The following PEX5L variants were observed in gnomAD, a reference collection of about 807,000 sequenced individuals.
PEX5L encodes peroxisomal biogenesis factor 5 like.
A neutral mutation model predicts 84.0 loss-of-function variants in PEX5L; 30 were observed. The observed-to-expected ratio is 0.36, with a 90% CI of 0.27 to 0.48. The LOEUF (loss-of-function observed/expected upper bound fraction) is 0.48. Among genes scored for constraint, PEX5L ranks in the 20% least tolerant of loss-of-function variants. The probability of loss-of-function intolerance (pLI) is 0.99; values close to 1 mark genes in which losing one functional copy is unlikely to be tolerated. For synonymous variants in PEX5L, 270 were observed against 283.1 expected (o/e 0.95, Z 0.46); for missense variants, 533 against 754.6 (o/e 0.71, Z 3.44).
At chr3:179,873,713 T>C (rs1751158494) in intron 7 of PEX5L, among the ~76,000 whole-genome samples, 1 of 152,208 alleles carries the variant, frequency 6.6e-6, no homozygotes, top group Admixed American at 6.5e-5. Flanking sequence ...TCACTGAGAC[T>C]AAAGAGTATC....
chr3:179,859,611 T>C (rs927393696), intron 7 of PEX5L, among the ~76,000 whole-genome samples: 3 of 152,200 alleles, frequency 2.0e-5, no homozygotes, highest in Admixed American at 6.5e-5. Context: ...GAAATGAAAG[T>C]GTGGCTTCCA....
intron 1 of PEX5L, among the ~76,000 whole-genome samples, chr3:180,005,972 C>G (rs1265828412): frequency 6.6e-6 from 1 of 152,180 alleles, no homozygotes; most frequent in Non-Finnish European, 1.5e-5. Context: ...AATATCTAGG[C>G]ATTAGAACAT....
chr3:179,998,824 A>ACCCTG (rs1788126262), intron 1 of PEX5L, among the ~76,000 whole-genome samples: 1 of 152,040 alleles, frequency 6.6e-6, no homozygotes, highest in African/African-American at 2.4e-5. Flanking sequence ...CACTCCTTCC[A>ACCCTG]CCCTGCCTTC....
chr3:179,955,781 T>C (rs1243141572), intron 2 of PEX5L, among the ~76,000 whole-genome samples: 1 of 152,158 alleles, frequency 6.6e-6, no homozygotes, highest in East Asian at 1.9e-4. Flanking sequence ...TTTTTCTTAT[T>C]ACGATTAGAA....
chr3:179,807,700 T>A lies in PEX5L; in HGVS notation c.1650A>T (p.Ile550=). Residue 550 remains isoleucine, a synonymous_variant, in exon 14 of 15, where the codon ATA becomes ATT. Coordinates refer to ENST00000467460, the MANE Select transcript of PEX5L (RefSeq NM_016559.3). ...GFIRSRYNLG[I]SCINLGAYRE... is the part of the protein sequence containing the mutation. Reference sequence around the variant, plus strand: ...TGTAGGCGCCCAGGTTGATGCAGCTTATTCCTAGGTTGTATCTGGACCGGA... The same window carrying A: ...TGTAGGCGCCCAGGTTGATGCAGCTAATTCCTAGGTTGTATCTGGACCGGA... The A allele has an allele frequency of 1.2e-6, 2 of 1,614,176 alleles. No individual in the cohort carries two copies. Among genetic ancestry groups the A allele is most frequent in the Non-Finnish European group, 1.7e-6 (2 of 1,180,006 alleles).
intron 1 of PEX5L, among the ~76,000 whole-genome samples, chr3:179,990,918 T>G (rs1787322128): frequency 6.6e-6 from 1 of 152,236 alleles, no homozygotes; most frequent in South Asian, 2.1e-4. Flanking sequence ...CTAGTCTGCT[T>G]TGAAGCTATG....
intron 3 of PEX5L, among the ~76,000 whole-genome samples, chr3:179,893,110 T>G (rs1031504615): frequency 1.3e-4 from 20 of 152,180 alleles, no homozygotes; most frequent in African/African-American, 4.8e-4. Context: ...TTACACCTTC[T>G]TTGTAATCAA....
At chr3:180,007,829 C>A (rs1045365822) in intron 1 of PEX5L, among the ~76,000 whole-genome samples, 5 of 152,192 alleles carry the variant, frequency 3.3e-5, no homozygotes, top group Non-Finnish European at 7.3e-5. Flanking sequence ...GCACCAAGTC[C>A]CTAGGCTTCA....
At chr3:179,904,816 G>C (rs1038627474) in intron 2 of PEX5L, among the ~76,000 whole-genome samples, 8 of 151,956 alleles carry the variant, frequency 5.3e-5, no homozygotes, top group African/African-American at 1.9e-4. Flanking sequence ...CTTCTGAGTT[G>C]GGGTCGTCTC....
chr3:179,972,814 G>A (rs1252976010), intron 1 of PEX5L, among the ~76,000 whole-genome samples: 2 of 150,694 alleles, frequency 1.3e-5, no homozygotes, highest in African/African-American at 2.5e-5. Flanking sequence ...CAATTTTTGT[G>A]GGTTTTTTTT....
At chr3:179,845,998 C>T (rs1267597551) in intron 8 of PEX5L, among the ~76,000 whole-genome samples, 1 of 152,026 alleles carries the variant, frequency 6.6e-6, no homozygotes, top group Non-Finnish European at 1.5e-5. Context: ...GGTAAAATGC[C>T]GTTTCTACTA....
Position 179,905,421 on chromosome 3 carries a change from C to T in PEX5L, c.94-7175G>A, listed in dbSNP as rs545196282. ...CCGAGTAGCTGGAACTACAGGCGCC[C>T]GCCACCACGCCCGGCTAATTTTTTT... On this transcript the variant is annotated intron_variant, in intron 2 of 14. Coordinates refer to ENST00000467460, the MANE Select transcript of PEX5L (RefSeq NM_016559.3). Among the ~76,000 whole-genome samples, 9 of 152,204 alleles carry T rather than the reference C, an allele frequency of 5.9e-5. No individual in the cohort carries two copies. The South Asian group carries it at 8.3e-4, about 14-fold the overall frequency.
At chr3:179,856,986 A>C (rs1744249101) in intron 8 of PEX5L, among the ~76,000 whole-genome samples, 1 of 152,240 alleles carries the variant, frequency 6.6e-6, no homozygotes, top group Admixed American at 6.5e-5. Flanking sequence ...TAGACTGCTA[A>C]GTAATGCTGG....
chr3:179,937,144 G>A (rs1038266563), intron 2 of PEX5L, among the ~76,000 whole-genome samples: 8 of 152,050 alleles, frequency 5.3e-5, no homozygotes, highest in Non-Finnish European at 2.9e-5. Flanking sequence ...TACCCTTAAG[G>A]AGCTTCAGGC....
chr3:179,809,709 G>C (rs762140671), intron 11 of PEX5L, 41 bp from the exon 12 acceptor site: 2 of 1,462,890 alleles, frequency 1.4e-6, no homozygotes, highest in African/African-American at 1.4e-5. Flanking sequence ...TTTTTTTTGA[G>C]CCACAATCTA....
At chr3:179,805,922 AC>A (rs1488949342) in intron 14 of PEX5L, among the ~76,000 whole-genome samples, 4 of 151,954 alleles carry the variant, frequency 2.6e-5, no homozygotes, top group Non-Finnish European at 4.4e-5. Context: ...TTGTTTTCTA[AC>A]CCTAAGAAGT....
intron 8 of PEX5L, among the ~76,000 whole-genome samples, chr3:179,856,291 T>G (rs182486973): frequency 1.2e-4 from 18 of 152,364 alleles, no homozygotes; most frequent in African/African-American, 4.3e-4. Flanking sequence ...AAGTTGGGAT[T>G]ATACTGTAAA....
intron 2 of PEX5L, among the ~76,000 whole-genome samples, chr3:179,909,123 A>C (rs1764298609): frequency 6.6e-6 from 1 of 152,082 alleles, no homozygotes; most frequent in African/African-American, 2.4e-5. Flanking sequence ...CCATGGAATA[A>C]GTGGCAATGG....
intron 1 of PEX5L, among the ~76,000 whole-genome samples, chr3:180,011,858 CA>C (rs1227604928): frequency 1.3e-5 from 2 of 151,912 alleles, no homozygotes; most frequent in African/African-American, 4.8e-5. Context: ...CTGAAAAGAG[CA>C]AGAGTTTTTC....
Sources: allele counts gnomAD v4.1 joint callset (sites outside exome capture counted in the v4.1 genomes callset), GRCh38; gene constraint gnomAD v4.1.1; transcripts MANE v1.5; gene names NCBI Gene and HGNC (gene_info 2026-07-23, HGNC 2026-07-21).